Variants in ELAPOR1 observed in about 807,000 individuals in gnomAD.
ELAPOR1 encodes endosome-lysosome associated apoptosis and autophagy regulator 1.
In ELAPOR1, 77 loss-of-function variants were observed where a neutral mutation model predicts 119.7. The ratio of observed to expected loss-of-function variants is 0.64; its 90% CI spans 0.54 to 0.78. The LOEUF (loss-of-function observed/expected upper bound fraction) is 0.78, where lower values mean the gene tolerates loss of function less well. Ranked by LOEUF, ELAPOR1 falls within the 30% of genes least tolerant of loss-of-function variation. The pLI is 0.00. For missense variants in ELAPOR1, 1,115 were observed against 1,270.4 expected (o/e 0.88, Z 1.86); for synonymous variants, 481 against 487.2 (o/e 0.99, Z 0.17).
intron 2 of ELAPOR1, among the ~76,000 whole-genome samples, chr1:109,164,033 A>AT (rs955553681): frequency 3.9e-5 from 6 of 151,986 alleles, no homozygotes; most frequent in African/African-American, 9.7e-5. Flanking sequence ...CCCTAGATCT[A>AT]TTTTTTTTAT....
rs943190501 is a variant in ELAPOR1 at position 109,202,766 on chromosome 1, C to T, written c.2974-178C>T. On this transcript the variant is annotated intron_variant, in intron 21 of 21. Coordinates refer to ENST00000369939, the MANE Select transcript of ELAPOR1 (RefSeq NM_020775.5). ...AAAAGAAAAAGATTTTTATTGTTCT[C>T]CAACTGACCCTGAAGGGAGCAAGCA... The T allele has an allele frequency of 4.3e-6, 3 of 697,520 alleles. No homozygotes were observed. The African/African-American group carries it at 5.4e-5, about 13-fold the overall frequency. 43.2% of individuals were successfully genotyped at this position (697,520 alleles called of 1,614,324 possible).
At chr1:109,169,365 G>A (rs1269330460) in intron 3 of ELAPOR1, among the ~76,000 whole-genome samples, 1 of 152,104 alleles carries the variant, frequency 6.6e-6, no homozygotes, top group African/African-American at 2.4e-5. Context: ...TCAGCCTCCT[G>A]AGGAGCTGGG....
intron 15 of ELAPOR1, among the ~76,000 whole-genome samples, chr1:109,196,936 C>T (rs1653837655): frequency 6.6e-6 from 1 of 152,170 alleles, no homozygotes; most frequent in African/African-American, 2.4e-5. Flanking sequence ...CTGCCTCGGC[C>T]TTCCGAAGTG....
At chr1:109,167,235 C>T (rs981591768) in intron 3 of ELAPOR1, among the ~76,000 whole-genome samples, 6 of 152,042 alleles carry the variant, frequency 3.9e-5, no homozygotes, top group Admixed American at 1.3e-4. Flanking sequence ...GGGACTGCAC[C>T]GAGAGTCCAG....
At chr1:109,126,039 G>A (rs142913977) in intron 1 of ELAPOR1, among the ~76,000 whole-genome samples, 8,973 of 152,234 alleles carry the variant, frequency 0.059, 299 homozygotes, top group Middle Eastern at 0.099. Flanking sequence ...AAGCTCATTT[G>A]GCTTGAAAAG....
Position 109,192,842 on chromosome 1 carries a change from G to A in ELAPOR1, c.1915G>A (p.Val639Met). The A allele has an allele frequency of 6.2e-7, 1 of 1,614,086 alleles. No individual in the cohort carries two copies. Among genetic ancestry groups the A allele is most frequent in the Non-Finnish European group, 8.5e-7 (1 of 1,180,036 alleles). Residue 639 changes from valine to methionine, a missense_variant, in exon 14 of 22, where the codon GTG becomes ATG. Physicochemically the swap from Val to Met is conservative, Grantham distance 21. Transcript: ENST00000369939. ...CCAGCCTTATGGTGTCCAGGCCTGT[G>A]TGCCCTGTGGTCCAGGGACCAAGAA... ...AHQPYGVQAC[V>M]PCGPGTKNNK...
chr1:109,142,555 A>G (rs1649894879), intron 1 of ELAPOR1, among the ~76,000 whole-genome samples: 1 of 152,250 alleles, frequency 6.6e-6, no homozygotes, highest in African/African-American at 2.4e-5. Flanking sequence ...ACGCTGGTCC[A>G]CAGCCGGGCA....
intron 1 of ELAPOR1, among the ~76,000 whole-genome samples, chr1:109,123,737 T>C (rs908622526): frequency 1.3e-5 from 2 of 152,238 alleles, no homozygotes; most frequent in Admixed American, 6.5e-5. Flanking sequence ...AACATTTCAT[T>C]ATATCTTTCC....
In ELAPOR1 at chr1:109,197,921, G is replaced by T. The variant is rs967084219; in HGVS notation, c.2303-58G>T. On this transcript the variant is annotated intron_variant, in intron 16 of 21. Transcript: ENST00000369939. ...GATGTTGACAGGTATTGGAAGAATT[G>T]AAGTGGTTGCCAGCTAATGCTACTA... The T allele has an allele frequency of 2.1e-6, 3 of 1,408,752 alleles. No individual in the cohort carries two copies. The South Asian group carries it at 3.5e-5, about 16-fold the overall frequency. The allele number at this position is 1,408,752 out of a possible 1,614,324, so 87.3% of individuals were successfully genotyped here.
In ELAPOR1 at chr1:109,197,484, T is replaced by C. The variant is rs1374548841; in HGVS notation, c.2132T>C (p.Met711Thr). 2 of 1,614,084 alleles carry C rather than the reference T, an allele frequency of 1.2e-6. No homozygotes were observed. Among genetic ancestry groups the C allele is most frequent in the Non-Finnish European group, 1.7e-6 (2 of 1,179,980 alleles). Residue 711 changes from methionine (M) to threonine (T), a missense_variant, in exon 16 of 22, where the codon ATG becomes ACG. Transcript: ENST00000369939. Reference protein sequence around the residue: ...LSLCGNQGRKMSVCTDNVTDL... With the variant: ...LSLCGNQGRKTSVCTDNVTDL... ...CCACTCCCCAACCAGGGTAGGAAAA[T>C]GTCTGTGTGCACCGACAATGTCACT...
At chr1:109,130,038 T>A (rs1365021404) in intron 1 of ELAPOR1, among the ~76,000 whole-genome samples, 4 of 152,200 alleles carry the variant, frequency 2.6e-5, no homozygotes, top group African/African-American at 9.6e-5. Context: ...CTTTCTTGGC[T>A]TACAGCTCCA....
In ELAPOR1 at chr1:109,137,819, C is replaced by T. The variant is rs1238718717; in HGVS notation, c.153+23483C>T. On this transcript the variant is annotated intron_variant, in intron 1 of 21. Coordinates refer to ENST00000369939, the MANE Select transcript of ELAPOR1 (RefSeq NM_020775.5). ...CTGGGATTACAGGCGTGAGCCACCGCGCCCGGCCTAAATTTATTTATTTTT... is the reference window on the plus strand; with the variant it reads ...CTGGGATTACAGGCGTGAGCCACCGTGCCCGGCCTAAATTTATTTATTTTT... Among the ~76,000 whole-genome samples, 8 of 152,334 alleles carry T rather than the reference C, an allele frequency of 5.3e-5. No individual in the cohort carries two copies. The South Asian group carries it at 6.2e-4, about 12-fold the overall frequency.
At chr1:109,147,521 C>T (rs1650255676) in intron 1 of ELAPOR1, among the ~76,000 whole-genome samples, 1 of 152,102 alleles carries the variant, frequency 6.6e-6, no homozygotes, top group Non-Finnish European at 1.5e-5. Context: ...TAACTATATA[C>T]TATAATGGTT....
chr1:109,178,258 G>T (rs1226056484), intron 7 of ELAPOR1, among the ~76,000 whole-genome samples: 2 of 152,170 alleles, frequency 1.3e-5, no homozygotes, highest in South Asian at 4.1e-4. Flanking sequence ...TGATCCACCC[G>T]CCTTGGCCTC....
chr1:109,138,328 G>A (rs2100993456), intron 1 of ELAPOR1, among the ~76,000 whole-genome samples: 2 of 152,276 alleles, frequency 1.3e-5, no homozygotes, highest in Middle Eastern at 6.8e-3. Context: ...AGAATGGCCT[G>A]TGTTTTTATT....
At chr1:109,140,276 C>T (rs1323282528) in intron 1 of ELAPOR1, among the ~76,000 whole-genome samples, 2 of 151,982 alleles carry the variant, frequency 1.3e-5, no homozygotes, top group African/African-American at 4.8e-5. Context: ...TATTTGTATC[C>T]CCTCACTATA....
At chr1:109,201,508 T>C (rs1451109920) in intron 21 of ELAPOR1, 2 of 382,230 alleles carry the variant, frequency 5.2e-6, no homozygotes, top group South Asian at 1.9e-5. Context: ...TCCAGGGCTA[T>C]AGTCCTCTGC....
At chr1:109,156,836 C>T (rs537849458) in intron 1 of ELAPOR1, among the ~76,000 whole-genome samples, 2 of 152,262 alleles carry the variant, frequency 1.3e-5, no homozygotes, top group South Asian at 2.1e-4. Flanking sequence ...TGATTGGCCT[C>T]GTGTGGGTCA....
chr1:109,117,429 G>T (rs1046420958), intron 1 of ELAPOR1, among the ~76,000 whole-genome samples: 2 of 152,206 alleles, frequency 1.3e-5, no homozygotes, highest in Non-Finnish European at 2.9e-5. Context: ...TTATCCTGAG[G>T]CTCCAGGGCT....
Sources: gnomAD v4.1 joint callset for allele counts (sites outside exome capture counted in the v4.1 genomes callset) on GRCh38, gnomAD v4.1.1 for gene constraint, MANE v1.5 for transcripts, NCBI Gene and HGNC (gene_info 2026-07-23, HGNC 2026-07-21) for gene names.